GPC5: variants seen among roughly 807,000 people sequenced by gnomAD.
The protein encoded by GPC5 is glypican 5, also known as glypican-5.
In GPC5, 47 loss-of-function variants were observed where a neutral mutation model predicts 53.9. That is an observed-to-expected ratio of 0.87 (90% CI 0.69 to 1.11). The LOEUF (loss-of-function observed/expected upper bound fraction) is 1.11. Among genes scored for constraint, GPC5 ranks in the 50% most tolerant of loss-of-function variants. The pLI, the probability that GPC5 is intolerant of heterozygous loss-of-function variation, is 0.00. For missense variants in GPC5, 748 were observed against 713.1 expected (o/e 1.05, Z -0.56); for synonymous variants, 286 against 263.3 (o/e 1.09, Z -0.84).
At chr13:91,409,709 T>C (rs577282218) in intron 1 of GPC5, among the ~76,000 whole-genome samples, 7 of 152,334 alleles carry the variant, frequency 4.6e-5, no homozygotes, top group African/African-American at 1.4e-4. Flanking sequence ...TTGTTTTTTC[T>C]CCCGACTTTC....
chr13:92,177,909 A>T (rs183516992), intron 7 of GPC5, among the ~76,000 whole-genome samples: 1 of 152,186 alleles, frequency 6.6e-6, no homozygotes, highest in Non-Finnish European at 1.5e-5. Flanking sequence ...ATAATTAAAG[A>T]TGCCCCAGTA....
intron 7 of GPC5, among the ~76,000 whole-genome samples, chr13:92,556,690 T>C (rs1183718572): frequency 1.3e-5 from 2 of 151,810 alleles, no homozygotes; most frequent in Non-Finnish European, 2.9e-5. Flanking sequence ...AATTTTTTCC[T>C]TTTTTTCTAA....
At position 92,164,662 on chromosome 13, in the gene GPC5, G is replaced by C. The variant is rs566847609; in HGVS notation, c.1561+19673G>C. ...CTGTCAGTGGATATACCATTCTGGG[G>C]TCTGGAGGATGGTGGCCCTCTTCTC... On this transcript the variant is annotated intron_variant, in intron 7 of 7. Coordinates refer to ENST00000377067, the MANE Select transcript of GPC5 (RefSeq NM_004466.6). Among the ~76,000 whole-genome samples the C allele has an allele frequency of 2.0e-5, 3 of 152,288 alleles. No homozygotes were observed. The South Asian group carries it at 6.2e-4, about 32-fold the overall frequency.
At chr13:91,504,170 A>G (rs1884812556) in intron 2 of GPC5, among the ~76,000 whole-genome samples, 1 of 152,138 alleles carries the variant, frequency 6.6e-6, no homozygotes, top group African/African-American at 2.4e-5. Context: ...TTAAAAAATT[A>G]TACATCTCTG....
At chr13:92,024,285 T>C (rs1221939375) in intron 6 of GPC5, among the ~76,000 whole-genome samples, 3 of 152,192 alleles carry the variant, frequency 2.0e-5, no homozygotes, top group Admixed American at 6.6e-5. Context: ...TTAAACACTG[T>C]ATTGGCACTG....
chr13:91,793,549 G>C (rs1414790853), intron 5 of GPC5, among the ~76,000 whole-genome samples: 1 of 152,260 alleles, frequency 6.6e-6, no homozygotes, highest in East Asian at 1.9e-4. Flanking sequence ...GTCTGTTCTA[G>C]AAAAGCATAG....
intron 2 of GPC5, among the ~76,000 whole-genome samples, chr13:91,588,243 AG>A (rs1252512169): frequency 6.6e-6 from 1 of 152,164 alleles, no homozygotes; most frequent in Non-Finnish European, 1.5e-5. Context: ...AAATATTCTT[AG>A]GCCTCAAATT....
intron 6 of GPC5, among the ~76,000 whole-genome samples, chr13:92,132,330 G>A (rs549734013): frequency 6.6e-6 from 1 of 152,272 alleles, no homozygotes; most frequent in East Asian, 1.9e-4. Flanking sequence ...CTATAACAAT[G>A]TATTCATTTG....
intron 7 of GPC5, among the ~76,000 whole-genome samples, chr13:92,678,138 A>T (rs1172003871): frequency 1.3e-5 from 2 of 152,208 alleles, no homozygotes; most frequent in African/African-American, 4.8e-5. Context: ...TGTTCAATGT[A>T]TGTTTGTTTT....
At position 91,650,750 on chromosome 13, in the gene GPC5, G is replaced by GTTTT. The variant is rs67507888; in HGVS notation, c.326-42418_326-42415dup. 7.6e-3 allele frequency among the ~76,000 whole-genome samples: 756 copies of GTTTT among 99,562 alleles called. 37 individuals carry two copies. The highest frequency in any genetic ancestry group is 0.03 in the African/African-American group (728 of 24,640). 65.3% of individuals were successfully genotyped at this position (99,562 alleles called of 152,430 possible). A position where few individuals can be genotyped will look rare whatever the true frequency, so the allele number is the denominator to read the frequency against. On this transcript the variant is annotated intron_variant, in intron 2 of 7. Transcript: ENST00000377067. ...CATCTGTGAAACAAAATTCCCATAA[G>GTTTT]TTTTTTTTTTTTTTTTTTTTTTAGC...
chr13:92,559,660 A>G (rs1882629816), intron 7 of GPC5, among the ~76,000 whole-genome samples: 1 of 151,442 alleles, frequency 6.6e-6, no homozygotes, highest in Non-Finnish European at 1.5e-5. Flanking sequence ...ACATTATTCA[A>G]ACTAGCTAGT....
At chr13:91,935,917 T>C (rs560881409) in intron 6 of GPC5, among the ~76,000 whole-genome samples, 46 of 151,504 alleles carry the variant, frequency 3.0e-4, no homozygotes, top group Middle Eastern at 3.4e-3. Flanking sequence ...GACAAGGGAG[T>C]TGGGTCTATG....
In GPC5 at chr13:92,379,092, T is replaced by C. The variant is rs1014819276; in HGVS notation, c.1561+234103T>C. 3.3e-5 allele frequency among the ~76,000 whole-genome samples: 5 copies of C among 152,214 alleles called. No homozygotes were observed. The East Asian group carries it at 9.6e-4, about 29-fold the overall frequency. ...GTGATATTGAGTAACTGGTCAAAGATTACTTGTGAAACCAGTTTATTAATT... is the reference window on the plus strand; with the variant it reads ...GTGATATTGAGTAACTGGTCAAAGACTACTTGTGAAACCAGTTTATTAATT... On this transcript the variant is annotated intron_variant, in intron 7 of 7. Transcript: ENST00000377067.
chr13:91,650,200 A>G (rs919605715), intron 2 of GPC5, among the ~76,000 whole-genome samples: 2 of 152,206 alleles, frequency 1.3e-5, no homozygotes, highest in Non-Finnish European at 2.9e-5. Context: ...TTGTGTGATC[A>G]TTACCAGAAT....
chr13:92,761,109 T>C (rs1875156130), intron 7 of GPC5, among the ~76,000 whole-genome samples: 1 of 152,182 alleles, frequency 6.6e-6, no homozygotes, highest in South Asian at 2.1e-4. Flanking sequence ...AAGAAGAATG[T>C]GTATCTTGCT....
At chr13:91,456,831 G>GTT (rs1881593017) in intron 2 of GPC5, among the ~76,000 whole-genome samples, 2 of 122,048 alleles carry the variant, frequency 1.6e-5, no homozygotes, top group South Asian at 5.3e-4. Context: ...ATGAATATGG[G>GTT]ATTTTTTTTT....
chr13:92,702,493 G>A (rs1046075000), intron 7 of GPC5, among the ~76,000 whole-genome samples: 1 of 151,882 alleles, frequency 6.6e-6, no homozygotes, highest in Non-Finnish European at 1.5e-5. Flanking sequence ...CAAAAATCTT[G>A]GATGAATCCT....
intron 7 of GPC5, among the ~76,000 whole-genome samples, chr13:92,322,661 G>A (rs893109070): frequency 1.3e-5 from 2 of 152,136 alleles, no homozygotes; most frequent in African/African-American, 4.8e-5. Flanking sequence ...TAATGTGTAT[G>A]TAATGAAATA....
chr13:92,360,586 C>T (rs2043557814), intron 7 of GPC5, among the ~76,000 whole-genome samples: 1 of 151,592 alleles, frequency 6.6e-6, no homozygotes, highest in East Asian at 1.9e-4. Context: ...GATGCCCCTT[C>T]TCACCACTCC....
Sources: allele counts gnomAD v4.1 joint callset (sites outside exome capture counted in the v4.1 genomes callset), GRCh38; gene constraint gnomAD v4.1.1; transcripts MANE v1.5; gene names NCBI Gene and HGNC (gene_info 2026-07-23, HGNC 2026-07-21).